MAPK10: variants seen among roughly 807,000 people sequenced by gnomAD.
The protein encoded by MAPK10 is JNK3 alpha protein kinase.
Under a neutral mutation model 59.3 loss-of-function variants are expected in MAPK10, and 25 were observed. That is an observed-to-expected ratio of 0.42 (90% CI 0.31 to 0.59). The LOEUF is 0.59. MAPK10 is among the 20% of genes least tolerant of loss of function. MAPK10 has a pLI of 0.15. For missense variants in MAPK10, 351 were observed against 568.9 expected, an observed-to-expected ratio of 0.62 and a Z score of 3.90; for synonymous variants, 190 against 200.5, an observed-to-expected ratio of 0.95 and a Z score of 0.44.
chr4:86,301,077 A>G (rs918736747), intron 2 of MAPK10, among the ~76,000 whole-genome samples: 3 of 152,048 alleles, frequency 2.0e-5, no homozygotes, highest in African/African-American at 7.2e-5. Flanking sequence ...TCTCCCATGC[A>G]TTGTAGGATG....
At chr4:86,385,661 A>C (rs1185126193) in intron 1 of MAPK10, among the ~76,000 whole-genome samples, 3 of 152,212 alleles carry the variant, frequency 2.0e-5, no homozygotes, top group African/African-American at 7.2e-5. Flanking sequence ...TGAGGTTTAA[A>C]CTTGTAAAAA....
intron 1 of MAPK10, among the ~76,000 whole-genome samples, chr4:86,503,282 C>A (rs1755467483): frequency 6.6e-6 from 1 of 152,098 alleles, no homozygotes; most frequent in African/African-American, 2.4e-5. Flanking sequence ...TCTTCCAGTT[C>A]AGACTCTGAA....
At chr4:86,493,569 C>A (rs918540700) in intron 1 of MAPK10, among the ~76,000 whole-genome samples, 6 of 152,122 alleles carry the variant, frequency 3.9e-5, no homozygotes, top group Admixed American at 2.0e-4. Flanking sequence ...GATGTGATAA[C>A]CTTCAGGACA....
At chr4:86,472,554 G>A (rs1752743444) in intron 1 of MAPK10, among the ~76,000 whole-genome samples, 1 of 152,144 alleles carries the variant, frequency 6.6e-6, no homozygotes, top group African/African-American at 2.4e-5. Context: ...GGTGGTGGGA[G>A]GATCACTTGA....
chr4:86,034,960 A>G (rs557073811), intron 11 of MAPK10, among the ~76,000 whole-genome samples: 14 of 152,242 alleles, frequency 9.2e-5, no homozygotes, highest in African/African-American at 3.4e-4. Flanking sequence ...GTGTACATGC[A>G]TGCCAAGAAA....
At chr4:86,066,087 G>C (rs886520960) in intron 10 of MAPK10, among the ~76,000 whole-genome samples, 8 of 152,010 alleles carry the variant, frequency 5.3e-5, no homozygotes, top group African/African-American at 1.9e-4. Context: ...TTTTTTACCT[G>C]TAAGTATTTT....
intron 1 of MAPK10, among the ~76,000 whole-genome samples, chr4:86,528,958 T>C (rs1371838026): frequency 6.6e-6 from 1 of 152,114 alleles, no homozygotes; most frequent in Admixed American, 6.6e-5. Context: ...TTTTGGGAAT[T>C]TGGTGGGGTG....
At chr4:86,451,414 T>C (rs779466522) in intron 1 of MAPK10, among the ~76,000 whole-genome samples, 38 of 152,124 alleles carry the variant, frequency 2.5e-4, no homozygotes, top group Non-Finnish European at 5.1e-4. Flanking sequence ...ACTAGCATGG[T>C]AATAACATGA....
intron 2 of MAPK10, among the ~76,000 whole-genome samples, chr4:86,242,172 A>G (rs191597965): frequency 3.9e-5 from 6 of 151,970 alleles, no homozygotes; most frequent in Admixed American, 1.3e-4. Flanking sequence ...ATTTGTTCCA[A>G]TGCCTGGAGA....
chr4:86,498,375 C>T (rs746489084), intron 1 of MAPK10, among the ~76,000 whole-genome samples: 5 of 152,134 alleles, frequency 3.3e-5, no homozygotes, highest in Non-Finnish European at 7.4e-5. Context: ...TGATCTTCAT[C>T]GGTTTGATTA....
At chr4:86,281,898 C>T (rs1244224310) in intron 2 of MAPK10, among the ~76,000 whole-genome samples, 1 of 152,042 alleles carries the variant, frequency 6.6e-6, no homozygotes, top group Non-Finnish European at 1.5e-5. Flanking sequence ...AGACAACCCA[C>T]TGCAAATCAA....
intron 2 of MAPK10, among the ~76,000 whole-genome samples, chr4:86,311,616 G>A (rs1463412490): frequency 2.0e-5 from 3 of 152,084 alleles, no homozygotes; most frequent in Admixed American, 6.6e-5. Flanking sequence ...CAAGTATGAT[G>A]GTAGAAATGG....
At chr4:86,535,988 T>A (rs1426444156) in intron 1 of MAPK10, among the ~76,000 whole-genome samples, 1 of 152,258 alleles carries the variant, frequency 6.6e-6, no homozygotes, top group Non-Finnish European at 1.5e-5. Context: ...CCAGAAGAAG[T>A]TCATAGTGAG....
intron 1 of MAPK10, among the ~76,000 whole-genome samples, chr4:86,476,348 C>A (rs1217857975): frequency 6.6e-6 from 1 of 152,160 alleles, no homozygotes; most frequent in Non-Finnish European, 1.5e-5. Flanking sequence ...CTGTGACTAG[C>A]CTTCCCCCAC....
chr4:86,396,263 C>T (rs1057226661), intron 1 of MAPK10, among the ~76,000 whole-genome samples: 2 of 152,136 alleles, frequency 1.3e-5, no homozygotes, highest in African/African-American at 2.4e-5. Context: ...AGGAGAATGG[C>T]GCGAACCCAG....
chr4:86,405,042 C>T (rs1251064749), intron 1 of MAPK10, among the ~76,000 whole-genome samples: 4 of 152,162 alleles, frequency 2.6e-5, no homozygotes, highest in African/African-American at 7.2e-5. Flanking sequence ...ACATACTGCG[C>T]ACTCTATAGG....
intron 2 of MAPK10, among the ~76,000 whole-genome samples, chr4:86,314,383 T>C (rs2095735289): frequency 6.6e-6 from 1 of 152,170 alleles, no homozygotes; most frequent in Non-Finnish European, 1.5e-5. Flanking sequence ...GTTTCCCCCA[T>C]ACTGTTCTCA....
chr4:86,441,716 C>T (rs1338204444), intron 1 of MAPK10, among the ~76,000 whole-genome samples: 1 of 152,148 alleles, frequency 6.6e-6, no homozygotes, highest in Non-Finnish European at 1.5e-5. Flanking sequence ...ATGGACTAGG[C>T]TGTCAATCAG....
Position 86,449,072 on chromosome 4 carries a change from C to T in MAPK10, c.-122+3958G>A, listed in dbSNP as rs1444174496. On this transcript the variant is annotated intron_variant, in intron 1 of 13. Transcript: ENST00000361569. ...TGTAAATACAGAGGAGGATCGCTGGCTCGCCACCCCCACCGCACCACCCCC... is the reference window on the plus strand; with the variant it reads ...TGTAAATACAGAGGAGGATCGCTGGTTCGCCACCCCCACCGCACCACCCCC... Among the ~76,000 whole-genome samples the T allele has an allele frequency of 1.8e-4, 27 of 152,108 alleles. 1 individual carries two copies. The highest frequency in any genetic ancestry group is 1.8e-3 in the Admixed American group (27 of 15,266).
Sources: allele counts gnomAD v4.1 joint callset (sites outside exome capture counted in the v4.1 genomes callset), GRCh38; gene constraint gnomAD v4.1.1; transcripts MANE v1.5; gene names NCBI Gene and HGNC (gene_info 2026-07-23, HGNC 2026-07-21).